The following TMEM200A variants were observed in gnomAD, a reference collection of about 807,000 sequenced individuals.
TMEM200A encodes two transmembrane C.
A neutral mutation model predicts 24.3 loss-of-function variants in TMEM200A; 12 were observed. The ratio of observed to expected loss-of-function variants is 0.49; its 90% CI spans 0.32 to 0.80. The LOEUF (loss-of-function observed/expected upper bound fraction) is 0.80, where lower values mean the gene tolerates loss of function less well. Ranked by LOEUF, TMEM200A falls within the 30% of genes least tolerant of loss-of-function variation. The probability of loss-of-function intolerance (pLI) is 0.04; values close to 1 mark genes in which losing one functional copy is unlikely to be tolerated. For synonymous variants in TMEM200A, 224 were observed against 224.4 expected (o/e 1.00, Z 0.02); for missense variants, 545 against 614.4 (o/e 0.89, Z 1.19).
intron 2 of TMEM200A, among the ~76,000 whole-genome samples, chr6:130,425,176 A>C (rs1175554759): frequency 6.6e-6 from 1 of 152,172 alleles, no homozygotes; most frequent in Non-Finnish European, 1.5e-5. Flanking sequence ...TACTCATGGC[A>C]GTGCTCAGCA....
intron 2 of TMEM200A, among the ~76,000 whole-genome samples, chr6:130,389,316 G>A (rs9492569): frequency 0.22 from 33,950 of 151,934 alleles, 4,855 homozygotes; most frequent in African/African-American, 0.4. Flanking sequence ...TCCAGCCCTG[G>A]GCACTCCCTC....
At chr6:130,404,842 G>A (rs761904985) in intron 2 of TMEM200A, among the ~76,000 whole-genome samples, 1 of 152,118 alleles carries the variant, frequency 6.6e-6, no homozygotes, top group Admixed American at 6.5e-5. Flanking sequence ...TTTTGTATAT[G>A]GTGTAAGGAA....
intron 2 of TMEM200A, among the ~76,000 whole-genome samples, chr6:130,411,923 T>A (rs1779339048): frequency 6.6e-6 from 1 of 152,228 alleles, no homozygotes; most frequent in Non-Finnish European, 1.5e-5. Context: ...TTGTTCCTTA[T>A]TAAAGTATCA....
chr6:130,414,415 G>C (rs1045272082), intron 2 of TMEM200A, among the ~76,000 whole-genome samples: 9 of 126,790 alleles, frequency 7.1e-5, no homozygotes, highest in Non-Finnish European at 1.2e-4. Context: ...CTGGGTGACA[G>C]AGCAAGACTC....
At chr6:130,423,406 G>T (rs1779650846) in intron 2 of TMEM200A, among the ~76,000 whole-genome samples, 1 of 152,042 alleles carries the variant, frequency 6.6e-6, no homozygotes, top group Admixed American at 6.6e-5. Context: ...GTCACTAAAT[G>T]ATTTCTTACA....
Position 130,441,378 on chromosome 6 carries a change from C to T in TMEM200A, c.956C>T (p.Ser319Leu), listed in dbSNP as rs751700955. The T allele has an allele frequency of 3.7e-6, 6 of 1,613,974 alleles. No individual in the cohort carries two copies. The highest frequency in any genetic ancestry group is 1.7e-6 in the Non-Finnish European group (2 of 1,180,008). The change falls in exon 3 of 3, where the codon TCA (serine) becomes TTA (leucine). Residue 319 changes from serine to leucine, a missense_variant. By Grantham distance (145) the Ser-to-Leu change is moderately radical (BLOSUM62 -2). Coordinates refer to ENST00000296978, the MANE Select transcript of TMEM200A (RefSeq NM_001258277.2). The stretch of plus-strand genomic sequence containing the variant: ...GATGCTGACAACCTCAAAAGTAGGT[C>T]AAGGAATTTGTCAATGGATTCCCTT... ...TEDADNLKSR[S>L]RNLSMDSLVV...
At chr6:130,411,086 T>C (rs183854779) in intron 2 of TMEM200A, among the ~76,000 whole-genome samples, 2 of 152,208 alleles carry the variant, frequency 1.3e-5, no homozygotes, top group African/African-American at 4.8e-5. Context: ...GGGGAATTGC[T>C]TGAACCTGGG....
chr6:130,379,681 A>G (rs1778551129), intron 1 of TMEM200A, among the ~76,000 whole-genome samples: 1 of 152,180 alleles, frequency 6.6e-6, no homozygotes, highest in African/African-American at 2.4e-5. Flanking sequence ...TAGTTAGGGC[A>G]TGAGTTCAGT....
intron 2 of TMEM200A, among the ~76,000 whole-genome samples, chr6:130,423,293 A>G (rs1779647376): frequency 6.6e-6 from 1 of 152,130 alleles, no homozygotes; most frequent in Non-Finnish European, 1.5e-5. Flanking sequence ...GTATCTATCT[A>G]TTATTCCAGC....
At chr6:130,427,810 CTTCTT>C (rs1361070644) in intron 2 of TMEM200A, among the ~76,000 whole-genome samples, 1 of 150,748 alleles carries the variant, frequency 6.6e-6, no homozygotes, top group African/African-American at 2.4e-5. Flanking sequence ...TTTGCTCATT[CTTCTT>C]TTCATTTGTT....
chr6:130,400,089 GATATAC>G (rs1779048337), intron 2 of TMEM200A, among the ~76,000 whole-genome samples: 1 of 151,018 alleles, frequency 6.6e-6, no homozygotes, highest in African/African-American at 2.4e-5. Flanking sequence ...TATATGTACA[GATATAC>G]ATATATATAT....
chr6:130,440,017 T>C (rs1432765515), intron 2 of TMEM200A, among the ~76,000 whole-genome samples: 1 of 150,072 alleles, frequency 6.7e-6, no homozygotes, highest in Non-Finnish European at 1.5e-5. Flanking sequence ...ACTCTGTGTG[T>C]GTGTGTGTAT....
intron 2 of TMEM200A, among the ~76,000 whole-genome samples, chr6:130,415,142 A>T (rs1213438267): frequency 3.3e-5 from 5 of 152,156 alleles, no homozygotes; most frequent in Non-Finnish European, 5.9e-5. Flanking sequence ...GAATGGAAGG[A>T]CTTGCAGAAT....
intron 2 of TMEM200A, among the ~76,000 whole-genome samples, chr6:130,419,130 C>T (rs969645421): frequency 4.6e-5 from 7 of 152,142 alleles, no homozygotes; most frequent in African/African-American, 1.7e-4. Context: ...TCTGTGAGAT[C>T]CAATTTTTTA....
At chr6:130,385,001 A>G (rs1462169631) in intron 1 of TMEM200A, among the ~76,000 whole-genome samples, 172 bp from the exon 2 acceptor site, 2 of 152,254 alleles carry the variant, frequency 1.3e-5, no homozygotes, top group Admixed American at 6.5e-5. Flanking sequence ...AAAGAAACAC[A>G]TGACCATTCA....
intron 2 of TMEM200A, among the ~76,000 whole-genome samples, chr6:130,401,633 A>T (rs1264600197): frequency 6.6e-6 from 1 of 151,586 alleles, no homozygotes; most frequent in Non-Finnish European, 1.5e-5. Context: ...TAATGCCTTC[A>T]TTGGGTCTAT....
At chr6:130,439,038 C>T (rs1009189942) in intron 2 of TMEM200A, 5 of 152,136 alleles carry the variant, frequency 3.3e-5, no homozygotes, top group Admixed American at 2.0e-4. Context: ...AAATACAGAA[C>T]ATTTGTTAGG....
intron 2 of TMEM200A, among the ~76,000 whole-genome samples, chr6:130,433,372 A>G (rs939704242): frequency 6.6e-6 from 1 of 152,150 alleles, no homozygotes; most frequent in Admixed American, 6.6e-5. Flanking sequence ...TCCTGACCTC[A>G]GGTGATCCGC....
At chr6:130,373,428 GA>G (rs1275392735) in intron 1 of TMEM200A, among the ~76,000 whole-genome samples, 1 of 152,084 alleles carries the variant, frequency 6.6e-6, no homozygotes, top group Non-Finnish European at 1.5e-5. Flanking sequence ...TATTTTTAAT[GA>G]TTTTTTCCAT....
Sources: gnomAD v4.1 joint callset for allele counts (sites outside exome capture counted in the v4.1 genomes callset) on GRCh38, gnomAD v4.1.1 for gene constraint, MANE v1.5 for transcripts, NCBI Gene and HGNC (gene_info 2026-07-23, HGNC 2026-07-21) for gene names.